CNTRL: variants seen among roughly 807,000 people sequenced by gnomAD.
CNTRL encodes the protein centriolin.
In CNTRL, 233 loss-of-function variants were observed where a neutral mutation model predicts 303.7. The observed-to-expected ratio is 0.77, with a 90% CI of 0.69 to 0.86. CNTRL has a LOEUF of 0.86. Ranked by LOEUF, CNTRL falls within the 40% of genes least tolerant of loss-of-function variation. The pLI is 0.00. For synonymous variants in CNTRL, 900 were observed against 922.2 expected, an observed-to-expected ratio of 0.98 and a Z score of 0.44; for missense variants, 2,524 against 2,650.6, an observed-to-expected ratio of 0.95 and a Z score of 1.05.
intron 24 of CNTRL, among the ~76,000 whole-genome samples, chr9:121,149,236 C>G (rs535623587): frequency 2.0e-5 from 3 of 152,170 alleles, no homozygotes; most frequent in African/African-American, 7.2e-5. Flanking sequence ...TGAAGTGTTA[C>G]GGGTCTGTCT....
At chr9:121,079,006 C>T (rs1588029915) in intron 1 of CNTRL, among the ~76,000 whole-genome samples, 1 of 152,120 alleles carries the variant, frequency 6.6e-6, no homozygotes, top group Non-Finnish European at 1.5e-5. Flanking sequence ...CATTGGTGAT[C>T]AACTCAACCT....
chr9:121,093,532 G>A (rs1480366306), intron 4 of CNTRL, among the ~76,000 whole-genome samples: 1 of 152,174 alleles, frequency 6.6e-6, no homozygotes, highest in African/African-American at 2.4e-5. Context: ...TCAACCTGTA[G>A]AATAGGAATG....
Position 121,135,868 on chromosome 9 carries a change from G to T in CNTRL, c.2088G>T (p.Gln696His). The T allele has an allele frequency of 6.2e-7, 1 of 1,614,066 alleles. No individual in the cohort carries two copies. The highest frequency in any genetic ancestry group is 1.1e-5 in the South Asian group (1 of 91,080). The change falls in exon 15 of 44, where the codon CAG (glutamine) becomes CAT (histidine). Residue 696 changes from glutamine (Q) to histidine (H), a missense_variant. By Grantham distance (24) the Gln-to-His change is conservative. Coordinates refer to ENST00000373855, the MANE Select transcript of CNTRL (RefSeq NM_007018.6). ...ATGAGGTGAATGCATCTTTGCAGCA[G>T]ACCCAGGGAGATCTCAGTGCCTATG... is the stretch of plus-strand genomic sequence containing the variant. ...EQHEVNASLQ[Q>H]TQGDLSAYEA...
intron 7 of CNTRL, among the ~76,000 whole-genome samples, chr9:121,100,816 C>G (rs1206012253): frequency 6.6e-6 from 1 of 152,046 alleles, no homozygotes; most frequent in African/African-American, 2.4e-5. Flanking sequence ...ACAAAGAAGG[C>G]CATTACATAA....
intron 4 of CNTRL, among the ~76,000 whole-genome samples, chr9:121,093,067 A>G (rs2048736323): frequency 6.6e-6 from 1 of 151,416 alleles, no homozygotes; most frequent in African/African-American, 2.4e-5. Flanking sequence ...TCGGCTTCCC[A>G]AAGTGTTGGG....
At position 121,160,282 on chromosome 9, in the gene CNTRL, A is replaced by T; in HGVS notation, c.5069A>T (p.Gln1690Leu). The T allele has an allele frequency of 6.5e-7, 1 of 1,536,554 alleles. No individual in the cohort carries two copies. The highest frequency in any genetic ancestry group is 8.7e-7 in the Non-Finnish European group (1 of 1,150,056). Residue 1690 changes from glutamine (Q) to leucine (L), a missense_variant, in exon 32 of 44, where the codon CAG (glutamine) becomes CTG (leucine). Gln to Leu is a moderately radical substitution (Grantham distance 113). Coordinates refer to ENST00000373855, the MANE Select transcript of CNTRL (RefSeq NM_007018.6). ...EEENLQVVLR[Q>L]MSKHKTELKN... ...GAAAATCTTCAGGTTGTTTTAAGGC[A>T]GATGTCTAAACATAAAACCGGTAAG...
At chr9:121,105,837 G>A (rs957508858) in intron 7 of CNTRL, among the ~76,000 whole-genome samples, 1 of 152,180 alleles carries the variant, frequency 6.6e-6, no homozygotes, top group Non-Finnish European at 1.5e-5. Flanking sequence ...GGCTTGAAGA[G>A]TGAATAGGAG....
In CNTRL at chr9:121,158,008, G is replaced by A. The variant is rs1410086636; in HGVS notation, c.4663G>A (p.Glu1555Lys). 6.2e-7 allele frequency: 1 copy of A among 1,614,102 alleles called. No homozygotes were observed. The highest frequency in any genetic ancestry group is 8.5e-7 in the Non-Finnish European group (1 of 1,180,020). The change falls in exon 30 of 44, where the codon GAG (glutamate) becomes AAG (lysine). Residue 1555 changes from glutamate to lysine, a missense_variant. By Grantham distance (56) the Glu-to-Lys change is moderately conservative. Transcript: ENST00000373855. The stretch of plus-strand genomic sequence containing the variant: ...GCTTCAGAAACTACAGAAAGACATA[G>A]AGATGGCAGAACGCAATGAGGATCA... The part of the protein sequence containing the change: ...EELQKLQKDI[E>K]MAERNEDHHL...
intron 38 of CNTRL, 82 bp downstream of exon 38, chr9:121,168,403 C>A: frequency 8.0e-7 from 1 of 1,251,154 alleles, no homozygotes; most frequent in Non-Finnish European, 1.1e-6. Flanking sequence ...TTAAAGAGAT[C>A]CGGACCCCAG....
At chr9:121,088,824 C>G (rs1053398742) in intron 3 of CNTRL, among the ~76,000 whole-genome samples, 4 of 152,180 alleles carry the variant, frequency 2.6e-5, no homozygotes, top group Non-Finnish European at 4.4e-5. Flanking sequence ...TTGCCATCCT[C>G]TTTGGTTAAG....
At chr9:121,133,595 G>A (rs1407679017) in intron 14 of CNTRL, among the ~76,000 whole-genome samples, 2 of 152,344 alleles carry the variant, frequency 1.3e-5, no homozygotes, top group Admixed American at 6.5e-5. Flanking sequence ...ATCCCCCGAC[G>A]CCTTGCATTT....
At chr9:121,148,596 C>CT in intron 23 of CNTRL, 76 bp from the exon 24 acceptor site, 3 of 1,354,218 alleles carry the variant, frequency 2.2e-6, no homozygotes, top group Non-Finnish European at 1.0e-6. Context: ...CTCAACTTTG[C>CT]TGTAGACTTT....
At chr9:121,117,442 G>A (rs2050029074) in intron 11 of CNTRL, among the ~76,000 whole-genome samples, 1 of 152,066 alleles carries the variant, frequency 6.6e-6, no homozygotes, top group Admixed American at 6.6e-5. Context: ...AAGAGATAGA[G>A]TATTAAGTTA....
chr9:121,172,604 G>A (rs558746045), intron 40 of CNTRL, among the ~76,000 whole-genome samples: 17 of 152,156 alleles, frequency 1.1e-4, no homozygotes, highest in African/African-American at 3.1e-4. Flanking sequence ...TTGTGCCACC[G>A]CCCTCCAGCC....
chr9:121,113,909 A>T (rs898958099), intron 10 of CNTRL, among the ~76,000 whole-genome samples, 185 bp downstream of exon 10: 2 of 152,128 alleles, frequency 1.3e-5, no homozygotes, highest in Non-Finnish European at 2.9e-5. Flanking sequence ...GATTCCTGTT[A>T]TGGTTAAGAA....
At chr9:121,139,849 G>A (rs1685058443) in intron 16 of CNTRL, among the ~76,000 whole-genome samples, 1 of 152,122 alleles carries the variant, frequency 6.6e-6, no homozygotes, top group Admixed American at 6.5e-5. Context: ...TACATCTCTT[G>A]CAGAAAAGGA....
Position 121,154,775 on chromosome 9 carries a change from A to G in CNTRL, c.4227A>G (p.Lys1409=). ...TTATGACTGAACTAGAAATAGAAAA[A>G]TCACTCAAACATCATGAAGATATTG... ...ESLMTELEIE[K]SLKHHEDIVD... is the part of the protein sequence containing the mutation. The change falls in exon 27 of 44, where the codon AAA becomes AAG. Residue 1409 remains lysine, a synonymous_variant. Coordinates refer to ENST00000373855, the MANE Select transcript of CNTRL (RefSeq NM_007018.6). 6.2e-7 allele frequency: 1 copy of G among 1,612,056 alleles called. No individual in the cohort carries two copies. Among genetic ancestry groups the G allele is most frequent in the Non-Finnish European group, 8.5e-7 (1 of 1,178,144 alleles).
chr9:121,089,942 A>T (rs986346239), intron 3 of CNTRL, among the ~76,000 whole-genome samples: 2 of 152,182 alleles, frequency 1.3e-5, no homozygotes, highest in African/African-American at 4.8e-5. Flanking sequence ...CCAAATATTT[A>T]TAGTGTGTAT....
At chr9:121,108,628 A>C (rs746365462) in intron 8 of CNTRL, among the ~76,000 whole-genome samples, 17 of 151,904 alleles carry the variant, frequency 1.1e-4, no homozygotes, top group Non-Finnish European at 1.6e-4. Flanking sequence ...TATTTTTATC[A>C]TTAACCATTT....
Sources: gnomAD v4.1 joint callset for allele counts (sites outside exome capture counted in the v4.1 genomes callset) on GRCh38, gnomAD v4.1.1 for gene constraint, MANE v1.5 for transcripts, NCBI Gene and HGNC (gene_info 2026-07-23, HGNC 2026-07-21) for gene names.